RSRC1: variants seen among roughly 807,000 people sequenced by gnomAD.
RSRC1 encodes the protein arginine and serine rich coiled-coil 1.
In RSRC1, 39 loss-of-function variants were observed where a neutral mutation model predicts 49.1. That is an observed-to-expected ratio of 0.79 (90% CI 0.61 to 1.04). The LOEUF is 1.04. Ranked by LOEUF, RSRC1 falls within the 50% of genes least tolerant of loss-of-function variation. RSRC1 has a pLI of 0.00. For synonymous variants in RSRC1, 143 were observed against 130.8 expected (o/e 1.09, Z -0.63); for missense variants, 388 against 402.4 (o/e 0.96, Z 0.31).
rs767916620 is a variant in RSRC1, at chr3:158,473,115, G to A, written c.652+12112G>A. 9.9e-5 allele frequency among the ~76,000 whole-genome samples: 15 copies of A among 152,198 alleles called. No individual in the cohort carries two copies. In the South Asian group the frequency reaches 1.2e-3, roughly 13 times the overall value. ...GTGAAAGACAGTGTGGCGATTCCTC[G>A]TGGATCTAGAACTAGAAATACCATA... On this transcript the variant is annotated intron_variant, in intron 7 of 9. Transcript: ENST00000611884.
intron 7 of RSRC1, among the ~76,000 whole-genome samples, chr3:158,492,895 G>A (rs1412203752): frequency 2.0e-5 from 3 of 152,148 alleles, no homozygotes; most frequent in Non-Finnish European, 4.4e-5. Flanking sequence ...CAGAAGAAAT[G>A]TAGTGAAGAG....
intron 6 of RSRC1, among the ~76,000 whole-genome samples, chr3:158,457,159 G>A (rs2108399445): frequency 6.6e-6 from 1 of 152,288 alleles, no homozygotes; most frequent in Middle Eastern, 3.4e-3. Flanking sequence ...TAGAAGTACA[G>A]AGATCAAATA....
chr3:158,524,943 G>A (rs1165862712), intron 7 of RSRC1, among the ~76,000 whole-genome samples: 2 of 151,970 alleles, frequency 1.3e-5, no homozygotes, highest in African/African-American at 4.8e-5. Flanking sequence ...AGCTTGAAAT[G>A]TATTATAAAC....
intron 6 of RSRC1, among the ~76,000 whole-genome samples, chr3:158,402,193 G>A (rs531783320): frequency 1.4e-4 from 22 of 151,896 alleles, no homozygotes; most frequent in South Asian, 8.3e-4. Flanking sequence ...GACATATGCC[G>A]CCCTCAGAGT....
intron 5 of RSRC1, among the ~76,000 whole-genome samples, chr3:158,334,683 G>GTGTGTGTGTGTGTGTA: frequency 6.6e-6 from 1 of 150,748 alleles, no homozygotes; most frequent in South Asian, 2.1e-4. Flanking sequence ...GTGTGTGTGT[G>GTGTGTGTGTGTGTGTA]TGTATGTGTT....
chr3:158,510,702 T>C (rs1255549311), intron 7 of RSRC1, among the ~76,000 whole-genome samples: 2 of 152,244 alleles, frequency 1.3e-5, no homozygotes, highest in Non-Finnish European at 2.9e-5. Flanking sequence ...AATTAAGTTA[T>C]TGACTATAGT....
chr3:158,122,001 T>C, intron 1 of RSRC1, 102 bp from the exon 2 acceptor site: 1 of 624,396 alleles, frequency 1.6e-6, no homozygotes, highest in Non-Finnish European at 2.5e-6. Context: ...GGAGACCCCA[T>C]CTCTAAAATA....
intron 3 of RSRC1, among the ~76,000 whole-genome samples, chr3:158,132,654 A>G (rs1050146458): frequency 1.3e-5 from 2 of 152,196 alleles, no homozygotes; most frequent in African/African-American, 4.8e-5. Context: ...TCTAAGTAGT[A>G]AATGTCTGAG....
intron 3 of RSRC1, among the ~76,000 whole-genome samples, chr3:158,128,520 C>G (rs1428580900): frequency 1.3e-5 from 2 of 152,064 alleles, no homozygotes; most frequent in African/African-American, 4.8e-5. Flanking sequence ...CAGGCTCTTT[C>G]TAACCTTTAT....
chr3:158,275,796 A>C (rs1452023337), intron 4 of RSRC1: 1 of 472,096 alleles, frequency 2.1e-6, no homozygotes, highest in East Asian at 5.3e-5. Context: ...GAATTTTACA[A>C]ACTTTACCTA....
At chr3:158,207,509 A>G (rs759317162) in intron 4 of RSRC1, among the ~76,000 whole-genome samples, 10 of 152,176 alleles carry the variant, frequency 6.6e-5, no homozygotes, top group East Asian at 1.9e-4. Context: ...ATTCACAAAC[A>G]TTTAAATTAG....
intron 6 of RSRC1, among the ~76,000 whole-genome samples, chr3:158,403,861 C>G (rs1352197885): frequency 6.6e-6 from 1 of 151,702 alleles, no homozygotes; most frequent in Non-Finnish European, 1.5e-5. Context: ...AAATTTCACA[C>G]TAGTCTTGAT....
chr3:158,439,826 A>G (rs1326235827), intron 6 of RSRC1, among the ~76,000 whole-genome samples: 2 of 151,936 alleles, frequency 1.3e-5, no homozygotes, highest in Non-Finnish European at 2.9e-5. Context: ...AAATTTAAAA[A>G]TAATAAAAAA....
At chr3:158,207,211 T>C (rs1477067307) in intron 4 of RSRC1, among the ~76,000 whole-genome samples, 2 of 152,150 alleles carry the variant, frequency 1.3e-5, no homozygotes, top group East Asian at 1.9e-4. Context: ...TCAAGTGATA[T>C]ACTGTTGTTT....
chr3:158,439,891 G>A (rs1023076232), intron 6 of RSRC1, among the ~76,000 whole-genome samples: 5 of 152,042 alleles, frequency 3.3e-5, no homozygotes, highest in Admixed American at 1.3e-4. Flanking sequence ...AGAGCAACTA[G>A]CTCTGTCTAG....
intron 7 of RSRC1, among the ~76,000 whole-genome samples, chr3:158,504,885 G>C (rs1479831745): frequency 6.6e-6 from 1 of 152,178 alleles, no homozygotes; most frequent in Non-Finnish European, 1.5e-5. Context: ...TAGTTATTAA[G>C]TGTATTAGAT....
At chr3:158,427,228 C>T (rs1020068149) in intron 6 of RSRC1, among the ~76,000 whole-genome samples, 1 of 151,706 alleles carries the variant, frequency 6.6e-6, no homozygotes. Flanking sequence ...TGAAGTATCA[C>T]CACCTAGATG....
chr3:158,158,710 C>T (rs990142158), intron 3 of RSRC1, among the ~76,000 whole-genome samples: 1 of 152,012 alleles, frequency 6.6e-6, no homozygotes, highest in Non-Finnish European at 1.5e-5. Context: ...GAGGCTGAGG[C>T]AGGTGGATCA....
At chr3:158,277,849 A>G (rs1033522726) in intron 4 of RSRC1, among the ~76,000 whole-genome samples, 3 of 152,128 alleles carry the variant, frequency 2.0e-5, no homozygotes, top group African/African-American at 7.2e-5. Context: ...CTGTGGCAGG[A>G]TCATGGCTCA....
Sources: gnomAD v4.1 joint callset for allele counts (sites outside exome capture counted in the v4.1 genomes callset) on GRCh38, gnomAD v4.1.1 for gene constraint, MANE v1.5 for transcripts, NCBI Gene and HGNC (gene_info 2026-07-23, HGNC 2026-07-21) for gene names.